The following CNTNAP5 variants were observed in gnomAD, a reference collection of about 807,000 sequenced individuals.
The protein encoded by CNTNAP5 is contactin-associated protein-like 5.
A neutral mutation model predicts 150.2 loss-of-function variants in CNTNAP5; 72 were observed. That is an observed-to-expected ratio of 0.48 (90% CI 0.40 to 0.58). The LOEUF is 0.58. CNTNAP5 is among the 20% of genes least tolerant of loss of function. The pLI is 0.00. For synonymous variants in CNTNAP5, 672 were observed against 619.8 expected, an observed-to-expected ratio of 1.08 and a Z score of -1.25; for missense variants, 1,636 against 1,626.2, an observed-to-expected ratio of 1.01 and a Z score of -0.10.
chr2:124,704,269 G>C (rs927402820), intron 13 of CNTNAP5, among the ~76,000 whole-genome samples: 1 of 152,154 alleles, frequency 6.6e-6, no homozygotes, highest in East Asian at 1.9e-4. Flanking sequence ...TCCCCAGGGG[G>C]CCCGCAGAGG....
chr2:124,260,742 C>T (rs1300231180), intron 3 of CNTNAP5, among the ~76,000 whole-genome samples: 1 of 152,098 alleles, frequency 6.6e-6, no homozygotes, highest in Non-Finnish European at 1.5e-5. Flanking sequence ...CATTTTTTAG[C>T]TTTAAAAGGA....
chr2:124,194,578 A>G (rs1037751948), intron 1 of CNTNAP5, among the ~76,000 whole-genome samples: 1 of 150,876 alleles, frequency 6.6e-6, no homozygotes, highest in Non-Finnish European at 1.5e-5. Context: ...TTCCAATCAA[A>G]CTAGTTACTA....
chr2:124,721,518 T>TAAATAAATAAATAAATAAATA (rs1359102828), intron 13 of CNTNAP5, among the ~76,000 whole-genome samples: 2 of 149,548 alleles, frequency 1.3e-5, no homozygotes, highest in African/African-American at 4.9e-5. Flanking sequence ...AATACATAAA[T>TAAATAAATAAATAAATAAATA]AAATATTAAA....
intron 13 of CNTNAP5, among the ~76,000 whole-genome samples, chr2:124,706,638 T>G (rs1267884018): frequency 2.0e-5 from 3 of 151,654 alleles, no homozygotes; most frequent in Admixed American, 2.0e-4. Flanking sequence ...TCCCAGCTAC[T>G]CAGGAGGCTG....
intron 1 of CNTNAP5, among the ~76,000 whole-genome samples, chr2:124,193,454 G>A (rs1685505308): frequency 6.6e-6 from 1 of 152,144 alleles, no homozygotes; most frequent in Admixed American, 6.5e-5. Context: ...AGGGCTATGT[G>A]GGAAAACAGT....
chr2:124,711,070 A>C (rs1679796684), intron 13 of CNTNAP5, among the ~76,000 whole-genome samples: 1 of 152,094 alleles, frequency 6.6e-6, no homozygotes. Context: ...CAGGAGTTGA[A>C]GACCAGCCTG....
chr2:124,901,196 A>G (rs1240493246), intron 21 of CNTNAP5, among the ~76,000 whole-genome samples: 1 of 151,606 alleles, frequency 6.6e-6, no homozygotes, highest in Non-Finnish European at 1.5e-5. Flanking sequence ...ACAAAATCTC[A>G]GACCTGAAGT....
At chr2:124,641,446 A>C (rs1277588408) in intron 12 of CNTNAP5, among the ~76,000 whole-genome samples, 2 of 152,162 alleles carry the variant, frequency 1.3e-5, no homozygotes, top group African/African-American at 2.4e-5. Flanking sequence ...GTCATTACCT[A>C]TGATTTAAAT....
At chr2:124,435,615 C>T (rs1692512567) in intron 5 of CNTNAP5, among the ~76,000 whole-genome samples, 1 of 151,998 alleles carries the variant, frequency 6.6e-6, no homozygotes, top group Admixed American at 6.6e-5. Flanking sequence ...ATCTTTTTGT[C>T]TTCACTATAA....
intron 17 of CNTNAP5, among the ~76,000 whole-genome samples, chr2:124,786,784 T>G (rs1382592234): frequency 6.6e-6 from 1 of 152,152 alleles, no homozygotes; most frequent in African/African-American, 2.4e-5. Flanking sequence ...TTACAGAAGA[T>G]TCATGCCTCC....
chr2:124,145,812 T>TAAAAAAAAAAAAAAAAAAA, intron 1 of CNTNAP5, among the ~76,000 whole-genome samples: 10 of 64,178 alleles, frequency 1.6e-4, no homozygotes, highest in Admixed American at 2.5e-4. Flanking sequence ...AAAAAAACAT[T>TAAAAAAAAAAAAAAAAAAA]AAAAAAAAAA....
rs1558746972 is a variant in CNTNAP5, at chr2:124,713,323, CTTTCTTT to C, written c.2078-33905_2078-33899del. Among the ~76,000 whole-genome samples, 14 of 42,026 alleles carry C rather than the reference CTTTCTTT, an allele frequency of 3.3e-4. 1 individual carries two copies. The highest frequency in any genetic ancestry group is 2.2e-3 in the South Asian group (2 of 922). The allele number at this position is 42,026 out of a possible 152,430, so 27.6% of individuals were successfully genotyped here. On this transcript the variant is annotated intron_variant, in intron 13 of 23. Transcript: ENST00000682447. The stretch of plus-strand genomic sequence containing the variant: ...TTTCTTCTTTCTCTTTCTTTCCTTT[CTTTCTTT>C]CTTTCTTTCTTTCTTTCTTTCTTTC...
intron 2 of CNTNAP5, among the ~76,000 whole-genome samples, chr2:124,230,331 G>A (rs976954932): frequency 1.3e-5 from 2 of 151,876 alleles, no homozygotes; most frequent in Non-Finnish European, 2.9e-5. Context: ...AGCTGTCTAG[G>A]GACTTTTTCC....
At position 124,229,224 on chromosome 2, in the gene CNTNAP5, C is replaced by T. The variant is rs1686550112; in HGVS notation, c.187+7415C>T. ...AATGTTAACCTATGAGCTCCCCCAA[C>T]CCTAGGTAAACCAAGTTTAATGAGT... On this transcript the variant is annotated intron_variant, in intron 2 of 23. Coordinates refer to ENST00000682447, the MANE Select transcript of CNTNAP5 (RefSeq NM_001367498.1). Among the ~76,000 whole-genome samples, 6 of 152,226 alleles carry T rather than the reference C, an allele frequency of 3.9e-5. No homozygotes were observed. The South Asian group carries it at 1.2e-3, about 32-fold the overall frequency.
intron 8 of CNTNAP5, among the ~76,000 whole-genome samples, chr2:124,511,990 T>A (rs1335052273): frequency 6.6e-6 from 1 of 151,498 alleles, no homozygotes; most frequent in Non-Finnish European, 1.5e-5. Flanking sequence ...CACATCTATG[T>A]TGGTAGGAGG....
chr2:124,269,455 A>C (rs572254742), intron 3 of CNTNAP5, among the ~76,000 whole-genome samples: 1 of 152,178 alleles, frequency 6.6e-6, no homozygotes, highest in South Asian at 2.1e-4. Context: ...CTGCGATAAG[A>C]TATTCAGGGC....
At chr2:124,698,631 G>A (rs1367243390) in intron 13 of CNTNAP5, among the ~76,000 whole-genome samples, 2 of 152,078 alleles carry the variant, frequency 1.3e-5, no homozygotes, top group Admixed American at 6.6e-5. Context: ...ACCCTGAACT[G>A]GGGGAGGTCT....
intron 3 of CNTNAP5, among the ~76,000 whole-genome samples, chr2:124,369,381 G>A (rs763328392): frequency 6.2e-4 from 94 of 151,546 alleles, no homozygotes; most frequent in Non-Finnish European, 2.2e-4. Context: ...CGTGGTTCTC[G>A]ATTCTGGCTA....
At chr2:124,751,770 G>T (rs1680732383) in intron 14 of CNTNAP5, among the ~76,000 whole-genome samples, 1 of 152,176 alleles carries the variant, frequency 6.6e-6, no homozygotes, top group African/African-American at 2.4e-5. Flanking sequence ...GCCTTGTATA[G>T]CACGCAGTGG....
Sources: gnomAD v4.1 joint callset for allele counts (sites outside exome capture counted in the v4.1 genomes callset) on GRCh38, gnomAD v4.1.1 for gene constraint, MANE v1.5 for transcripts, NCBI Gene and HGNC (gene_info 2026-07-23, HGNC 2026-07-21) for gene names.